ZZEF1: variants seen among roughly 807,000 people sequenced by gnomAD.
ZZEF1 encodes the protein zinc finger ZZ-type and EF-hand domain-containing protein 1.
ZZEF1 carries 157 observed loss-of-function variants against 342.8 expected under a neutral mutation model. The ratio of observed to expected loss-of-function variants is 0.46; its 90% confidence interval spans 0.40 to 0.52. The LOEUF is 0.52. ZZEF1 is among the 20% of genes least tolerant of loss of function. ZZEF1 has a pLI of 0.00. For synonymous variants in ZZEF1, 1,505 were observed against 1,429.1 expected (o/e 1.05, Z -1.20); for missense variants, 3,480 against 3,725.6 (o/e 0.93, Z 1.72).
chr17:4,012,362 G>C (rs1355789643), intron 52 of ZZEF1, among the ~76,000 whole-genome samples: 1 of 152,168 alleles, frequency 6.6e-6, no homozygotes, highest in Non-Finnish European at 1.5e-5. Context: ...TCTCTCCCCT[G>C]ACTTTGAGAG....
At position 4,064,049 on chromosome 17, in the gene ZZEF1, T is replaced by A. The variant is rs534192417; in HGVS notation, c.4718+312A>T. On this transcript the variant is annotated intron_variant, in intron 29 of 54. Transcript: ENST00000381638. ...AGCCTCAGCTAATTTTTAAAAAAAA[T>A]TTTTTGTAGATGGAGGGGGGGGGGT... 2.7e-4 allele frequency among the ~76,000 whole-genome samples: 40 copies of A among 147,714 alleles called. No individual in the cohort carries two copies. The East Asian group carries it at 7.3e-3, about 27-fold the overall frequency.
rs1252450007 is a variant in ZZEF1 at position 4,128,512 on chromosome 17, T to G, written c.355-4461A>C. ...TTTAGTTCTGTCACCCCAGCTGGAG[T>G]GCAGTTGCGTGATCTAGGCTCACTG... On this transcript the variant is annotated intron_variant, in intron 1 of 54. Coordinates refer to ENST00000381638, the MANE Select transcript of ZZEF1 (RefSeq NM_015113.4). 2.7e-5 allele frequency among the ~76,000 whole-genome samples: 4 copies of G among 150,670 alleles called. No individual in the cohort carries two copies. The East Asian group carries it at 8.0e-4, about 30-fold the overall frequency.
At chr17:4,044,403 AG>A (rs1322304591) in intron 37 of ZZEF1, 29 bp from the exon 38 acceptor site, 20 of 1,586,484 alleles carry the variant, frequency 1.3e-5, no homozygotes, top group Non-Finnish European at 1.5e-5. Context: ...AAAAGAATTA[AG>A]GTTTCTTATA....
chr17:4,051,920 G>C (rs2057055874), intron 35 of ZZEF1, 51 bp downstream of exon 35: 1 of 1,545,928 alleles, frequency 6.5e-7, no homozygotes, highest in African/African-American at 1.4e-5. Flanking sequence ...CTTTTCAAGT[G>C]AAGGAACGTG....
Position 4,032,824 on chromosome 17 carries a change from G to A in ZZEF1, c.6759+4C>T. ...CAGGCCCTCAGGCCTTCAGAGTGTG[G>A]TACCTGGGGGAAGCCAACCAGCACG... On this transcript the variant is annotated splice_donor_region_variant and intron_variant, in intron 41 of 54. Transcript: ENST00000381638. 1 of 1,613,870 alleles carries A rather than the reference G, an allele frequency of 6.2e-7. No individual in the cohort carries two copies. Among genetic ancestry groups the A allele is most frequent in the Non-Finnish European group, 8.5e-7 (1 of 1,179,774 alleles).
At chr17:4,140,724 ATGTAAACGGTGTTTCTCTCCATTTGCC>A (rs2058829906) in intron 1 of ZZEF1, among the ~76,000 whole-genome samples, 1 of 152,204 alleles carries the variant, frequency 6.6e-6, no homozygotes, top group African/African-American at 2.4e-5. Flanking sequence ...AACTCTCAGA[ATGTAAACGGTGTTTCTCTCCATTTGCC>A]TTTGCTCAAA....
chr17:4,062,927 C>G lies in ZZEF1; in HGVS notation c.4719-10G>C. ...AAGAACCTTCACAACACTGGAGACA[C>G]AATGCAAGTCAGGAACACCCAGAAA... On this transcript the variant is annotated splice_polypyrimidine_tract_variant and intron_variant, in intron 29 of 54. Coordinates refer to ENST00000381638, the MANE Select transcript of ZZEF1 (RefSeq NM_015113.4). 1 of 1,596,056 alleles carries G rather than the reference C, an allele frequency of 6.3e-7. No homozygotes were observed. Among genetic ancestry groups the G allele is most frequent in the Non-Finnish European group, 8.5e-7 (1 of 1,169,638 alleles).
Position 4,049,949 on chromosome 17 carries a change from GAAATA to G in ZZEF1, c.5864-95_5864-91del, listed in dbSNP as rs1221759048. The G allele has an allele frequency of 2.8e-6, 4 of 1,453,992 alleles. No homozygotes were observed. The Admixed American group carries it at 8.1e-5, about 30-fold the overall frequency. 90.1% of individuals were successfully genotyped at this position (1,453,992 alleles called of 1,614,324 possible). A position where few individuals can be genotyped will look rare whatever the true frequency, so the allele number is the denominator to read the frequency against. The stretch of plus-strand genomic sequence containing the variant: ...CCATAAGTTACTTTGCCATTATATA[GAAATA>G]AATAAATGAGTTCTGCACAAACCAA... On this transcript the variant is annotated intron_variant, in intron 36 of 54. Transcript: ENST00000381638.
chr17:4,011,986 G>A (rs1254662952), intron 52 of ZZEF1, among the ~76,000 whole-genome samples: 1 of 152,254 alleles, frequency 6.6e-6, no homozygotes, highest in East Asian at 1.9e-4. Context: ...ACGCATGAAA[G>A]AGGCTAGGGT....
chr17:4,011,290 C>T (rs2055947164), intron 52 of ZZEF1, among the ~76,000 whole-genome samples: 1 of 151,866 alleles, frequency 6.6e-6, no homozygotes, highest in Non-Finnish European at 1.5e-5. Context: ...GTAGTCCCAG[C>T]TACTCAGGAG....
rs143736611 is a variant in ZZEF1 at position 4,076,654 on chromosome 17, C to T, written c.3217G>A (p.Glu1073Lys). 6.2e-3 allele frequency: 9,927 copies of T among 1,611,378 alleles called. 44 individuals carry two copies. Among genetic ancestry groups the T allele is most frequent in the Non-Finnish European group, 8.0e-3 (9,368 of 1,178,364 alleles). The change falls in exon 21 of 55, where the codon GAA becomes AAA. Residue 1073 changes from glutamate to lysine, a missense_variant. Around this residue, in one of 5 missense-constraint regions of ZZEF1, gnomAD observed 1,528 missense variants for 1,624.1 expected, o/e 0.94. Coordinates refer to ENST00000381638, the MANE Select transcript of ZZEF1 (RefSeq NM_015113.4). ...ELLKKLCSGP[E>K]GGLRKLDVET... ...CGAGTTACCTTCCTCAGTCCTCCTT[C>T]GGGGCCACTACAGAGCTTCTTCAGG...
intron 46 of ZZEF1, among the ~76,000 whole-genome samples, chr17:4,019,312 GTTC>G (rs1233426106): frequency 6.6e-6 from 1 of 152,164 alleles, no homozygotes; most frequent in African/African-American, 2.4e-5. Flanking sequence ...GAAAGGGAAT[GTTC>G]TTAATTTTAA....
Position 4,095,996 on chromosome 17 carries a change from G to A in ZZEF1, c.1765-17C>T, listed in dbSNP as rs377212651. On this transcript the variant is annotated splice_polypyrimidine_tract_variant and intron_variant, in intron 10 of 54. Coordinates refer to ENST00000381638, the MANE Select transcript of ZZEF1 (RefSeq NM_015113.4). Reference sequence around the variant, plus strand: ...ACGTCGAACCTGGAAACAGAGATTAGGATGAAGTCTATCAAAGGGGCAAAA... The same window carrying A: ...ACGTCGAACCTGGAAACAGAGATTAAGATGAAGTCTATCAAAGGGGCAAAA... 1.6e-4 allele frequency: 251 copies of A among 1,590,016 alleles called. No individual in the cohort carries two copies. Among genetic ancestry groups the A allele is most frequent in the Non-Finnish European group, 2.0e-4 (230 of 1,166,130 alleles).
At chr17:4,042,373 A>G in intron 39 of ZZEF1, 56 bp downstream of exon 39, 4 of 1,558,978 alleles carry the variant, frequency 2.6e-6, no homozygotes, top group Middle Eastern at 3.4e-4. Flanking sequence ...GTGGCTTTCC[A>G]AAACCTTCTT....
chr17:4,042,069 A>G (rs2056814950), intron 39 of ZZEF1, among the ~76,000 whole-genome samples: 1 of 152,196 alleles, frequency 6.6e-6, no homozygotes, highest in African/African-American at 2.4e-5. Flanking sequence ...GCTTCAACTC[A>G]TTTTCAAAAG....
chr17:4,005,146 A>C lies in ZZEF1; in HGVS notation c.*1744T>G, dbSNP rs557268397. On this transcript the variant is annotated 3_prime_UTR_variant, in exon 55 of 55. Transcript: ENST00000381638. ...CGGGGCCTCCCTCCCAAGCACTAAG[A>C]CTTGTTTCCTGTGAGTCCCCTCTTG... 1 of 152,208 alleles carries C rather than the reference A, an allele frequency of 6.6e-6. No individual in the cohort carries two copies. The highest frequency in any genetic ancestry group is 1.5e-5 in the Non-Finnish European group (1 of 68,100). 9.4% of individuals were successfully genotyped at this position (152,208 alleles called of 1,614,324 possible).
intron 51 of ZZEF1, 52 bp from the exon 52 acceptor site, chr17:4,013,666 A>ATATTATTAT (rs2056026992): frequency 6.7e-7 from 1 of 1,491,794 alleles, no homozygotes; most frequent in African/African-American, 1.4e-5. Flanking sequence ...GTAATAAGTA[A>ATATTATTAT]TATTATTATT....
intron 11 of ZZEF1, 22 bp downstream of exon 11, chr17:4,095,809 C>T: frequency 4.4e-6 from 7 of 1,589,268 alleles, no homozygotes; most frequent in Non-Finnish European, 6.0e-6. Context: ...CTTTGTTCTA[C>T]AAAGATTTTT....
At chr17:4,051,295 T>C (rs1451658084) in intron 35 of ZZEF1, among the ~76,000 whole-genome samples, 1 of 152,164 alleles carries the variant, frequency 6.6e-6, no homozygotes, top group African/African-American at 2.4e-5. Context: ...TAAGGAAGAA[T>C]TGCTTATTGT....
Sources: allele counts gnomAD v4.1 joint callset (sites outside exome capture counted in the v4.1 genomes callset), GRCh38; gene constraint gnomAD v4.1.1; regional missense constraint gnomAD v4.1.1; transcripts MANE v1.5; gene names NCBI Gene and HGNC (gene_info 2026-07-23, HGNC 2026-07-21).